Variants in ASPSCR1 observed in about 807,000 individuals in gnomAD.
ASPSCR1 encodes ASPSCR1 tether for SLC2A4, UBX domain containing.
A neutral mutation model predicts 68.9 loss-of-function variants in ASPSCR1; 55 were observed. The observed-to-expected ratio is 0.80, with a 90% CI of 0.64 to 1.00. ASPSCR1 has a LOEUF of 1.00. Among genes scored for constraint, ASPSCR1 ranks in the 50% least tolerant of loss-of-function variants. The probability of loss-of-function intolerance (pLI) is 0.00; values close to 1 mark genes in which losing one functional copy is unlikely to be tolerated. For synonymous variants in ASPSCR1, 352 were observed against 332.6 expected (o/e 1.06, Z -0.63); for missense variants, 765 against 762.2 (o/e 1.00, Z -0.04).
chr17:82,011,450 C>A, intron 10 of ASPSCR1, 93 bp from the exon 11 acceptor site: 1 of 1,230,594 alleles, frequency 8.1e-7, no homozygotes, highest in Non-Finnish European at 1.1e-6. Flanking sequence ...CGGGGAAAGG[C>A]CCAGGAGGGT....
At chr17:82,016,640 G>T in intron 13 of ASPSCR1, 113 bp downstream of exon 13, 1 of 1,469,422 alleles carries the variant, frequency 6.8e-7, no homozygotes. Flanking sequence ...GTCTGAGAGG[G>T]AGATCTGCGG....
At position 82,012,264 on chromosome 17, in the gene ASPSCR1, A is replaced by G; in HGVS notation, c.1334A>G (p.His445Arg). ...ITPPKTVLDD[H>R]TQTLFQANLF... ...CCTCCAAAAACAGTCCTGGACGACC[A>G]CACGCAGACCCTCTTTCAGGTACCT... Residue 445 changes from histidine (H) to arginine (R), a missense_variant, in exon 12 of 16, where the codon CAC (histidine) becomes CGC (arginine). By Grantham distance (29) the His-to-Arg change is conservative (BLOSUM62 0). Transcript: ENST00000306739. The G allele has an allele frequency of 6.2e-7, 1 of 1,613,458 alleles. No homozygotes were observed. The highest frequency in any genetic ancestry group is 8.5e-7 in the Non-Finnish European group (1 of 1,179,894).
intron 7 of ASPSCR1, among the ~76,000 whole-genome samples, chr17:82,002,179 C>T (rs1192617008): frequency 6.6e-6 from 1 of 150,782 alleles, no homozygotes; most frequent in Non-Finnish European, 1.5e-5. Flanking sequence ...AAGTATTTTT[C>T]TTTTTAAAAT....
chr17:81,980,807 G>C (rs193066150), intron 2 of ASPSCR1, among the ~76,000 whole-genome samples: 1 of 152,244 alleles, frequency 6.6e-6, no homozygotes, highest in Admixed American at 6.5e-5. Flanking sequence ...CTCTTCACGG[G>C]TCCTATGTGC....
Position 81,977,860 on chromosome 17 carries a change from T to C in ASPSCR1, c.102+112T>C. ...TCGGGGGCGGGGCCTCGGCGGCCAA[T>C]GAGCGGCCTCCTGAGCGGCGGCCCC... On this transcript the variant is annotated intron_variant, in intron 1 of 15. Coordinates refer to ENST00000306739, the MANE Select transcript of ASPSCR1 (RefSeq NM_024083.4). This position sits in a 1 kb window ranked among gnomAD's most constrained non-coding sequence, Gnocchi z 5.0. 1.3e-6 allele frequency: 1 copy of C among 767,036 alleles called. No individual in the cohort carries two copies. The highest frequency in any genetic ancestry group is 1.7e-6 in the Non-Finnish European group (1 of 579,916). 47.5% of individuals were successfully genotyped at this position (767,036 alleles called of 1,614,324 possible).
At chr17:81,985,936 C>A (rs2041980499) in intron 4 of ASPSCR1, among the ~76,000 whole-genome samples, 1 of 152,036 alleles carries the variant, frequency 6.6e-6, no homozygotes, top group Admixed American at 6.6e-5. Context: ...GGCAGGGCTC[C>A]CCATGCTTGA....
intron 12 of ASPSCR1, chr17:82,015,260 C>A: frequency 1.9e-6 from 3 of 1,598,288 alleles, no homozygotes; most frequent in Non-Finnish European, 2.5e-6. Flanking sequence ...CTCCATGCCA[C>A]CCAGTCTGCC....
At chr17:82,017,227 G>A in intron 15 of ASPSCR1, 82 bp from the exon 16 acceptor site, 2 of 1,598,390 alleles carry the variant, frequency 1.3e-6, no homozygotes, top group Middle Eastern at 1.9e-4. Context: ...GCAGGGCCGA[G>A]TGCTTCAGCC....
chr17:81,995,689 T>C (rs561689701), intron 5 of ASPSCR1: 73 of 554,664 alleles, frequency 1.3e-4, no homozygotes, highest in African/African-American at 1.3e-3. Flanking sequence ...GCACCAGGGC[T>C]TCCTCCTTGC....
chr17:81,977,936 G>A lies in ASPSCR1; in HGVS notation c.102+188G>A. ...TTCCGCTGGGGTCCCGGGGGTCCCGGGGGTCCCGAGTGGGGGCGGGGCGGT... is the reference window on the plus strand; with the variant it reads ...TTCCGCTGGGGTCCCGGGGGTCCCGAGGGTCCCGAGTGGGGGCGGGGCGGT... On this transcript the variant is annotated intron_variant, in intron 1 of 15. Coordinates refer to ENST00000306739, the MANE Select transcript of ASPSCR1 (RefSeq NM_024083.4). The surrounding 1 kb of genome is among the most constrained non-coding windows in gnomAD (Gnocchi z 5.0). 2.9e-6 allele frequency: 1 copy of A among 349,718 alleles called. No homozygotes were observed. The highest frequency in any genetic ancestry group is 4.9e-6 in the Non-Finnish European group (1 of 204,578). 21.7% of individuals were successfully genotyped at this position (349,718 alleles called of 1,614,324 possible).
At position 81,979,224 on chromosome 17, in the gene ASPSCR1, G is replaced by A. The variant is rs1358010626; in HGVS notation, c.143G>A (p.Cys48Tyr). The stretch of plus-strand genomic sequence containing the variant: ...TGCCGGCGGCAGGACTTCAACCCCT[G>A]TGAATATGATCTGAAGTGAGTTTGC... ...DTCRRQDFNP[C>Y]EYDLKFQRSV... is the part of the protein sequence containing the mutation. Residue 48 changes from cysteine (C) to tyrosine (Y), a missense_variant, in exon 2 of 16, where the codon TGT becomes TAT. Coordinates refer to ENST00000306739, the MANE Select transcript of ASPSCR1 (RefSeq NM_024083.4). 6.2e-7 allele frequency: 1 copy of A among 1,614,014 alleles called. No homozygotes were observed. Among genetic ancestry groups the A allele is most frequent in the Admixed American group, 1.7e-5 (1 of 60,000 alleles).
At chr17:81,985,129 CA>C (rs1411881433) in intron 3 of ASPSCR1, among the ~76,000 whole-genome samples, 3 of 150,938 alleles carry the variant, frequency 2.0e-5, no homozygotes, top group Non-Finnish European at 4.4e-5. Flanking sequence ...TGTAAACATG[CA>C]CACACACGCA....
In ASPSCR1 at chr17:81,999,602, G is replaced by T. The variant is rs138231466; in HGVS notation, c.933+2756G>T. Among the ~76,000 whole-genome samples, 9 of 151,522 alleles carry T rather than the reference G, an allele frequency of 5.9e-5. No individual in the cohort carries two copies. Among genetic ancestry groups the T allele is most frequent in the Non-Finnish European group, 8.8e-5 (6 of 67,822 alleles). On this transcript the variant is annotated intron_variant, in intron 7 of 15. Coordinates refer to ENST00000306739, the MANE Select transcript of ASPSCR1 (RefSeq NM_024083.4). This position sits in a 1 kb window ranked among gnomAD's most constrained non-coding sequence, Gnocchi z 4.4. ...AGATCGTGCCACTGCACTCCAGCCC[G>T]GGTGACAGAGTGAAACTCCATCTCA...
chr17:82,000,515 TG>T (rs1207109332), intron 7 of ASPSCR1, among the ~76,000 whole-genome samples: 5 of 151,768 alleles, frequency 3.3e-5, no homozygotes, highest in African/African-American at 1.2e-4. Flanking sequence ...CTTTCAGTGA[TG>T]GGGGGAGGGG....
intron 10 of ASPSCR1, 98 bp from the exon 11 acceptor site, chr17:82,011,445 A>G: frequency 8.6e-7 from 1 of 1,167,452 alleles, no homozygotes; most frequent in Non-Finnish European, 1.2e-6. Flanking sequence ...CCCCTCGGGG[A>G]AAGGCCCAGG....
intron 12 of ASPSCR1, chr17:82,014,832 T>G: frequency 7.0e-6 from 4 of 569,478 alleles, no homozygotes; most frequent in African/African-American, 1.9e-5. Context: ...GGCGGCTGGA[T>G]TTGGGGCCCC....
intron 7 of ASPSCR1, among the ~76,000 whole-genome samples, chr17:81,998,074 G>T (rs1241061416): frequency 6.8e-6 from 1 of 147,110 alleles, no homozygotes; most frequent in Admixed American, 6.8e-5. Context: ...TGATCCGCCC[G>T]CCTCAGCCTC....
rs766231368 is a variant in ASPSCR1, at chr17:81,983,506, C to T, written c.159-48C>T. The T allele has an allele frequency of 4.5e-5, 66 of 1,465,822 alleles. No individual in the cohort carries two copies. The highest frequency in any genetic ancestry group is 4.2e-4 in the African/African-American group (30 of 72,252). 90.8% of individuals were successfully genotyped at this position (1,465,822 alleles called of 1,614,324 possible). The stretch of plus-strand genomic sequence containing the variant: ...GGATGGCGGGGCGTGGATGGCAGGG[C>T]GTGTCAGGCTCTGCAGGGCAGCAAG... On this transcript the variant is annotated intron_variant, in intron 2 of 15. Transcript: ENST00000306739. The surrounding 1 kb of genome is among the most constrained non-coding windows in gnomAD (Gnocchi z 4.4).
rs143841140 is a variant in ASPSCR1 at position 81,990,722 on chromosome 17, G to A, written c.375-4099G>A. ...TGGCCTACGGGCCCTGGGGGTACAC[G>A]GCCCTCCTGGAGGCACCCGGAGGAG... On this transcript the variant is annotated intron_variant, in intron 4 of 15. Coordinates refer to ENST00000306739, the MANE Select transcript of ASPSCR1 (RefSeq NM_024083.4). This position sits in a 1 kb window ranked among gnomAD's most constrained non-coding sequence, Gnocchi z 4.1. Among the ~76,000 whole-genome samples, 8 of 152,278 alleles carry A rather than the reference G, an allele frequency of 5.3e-5. No individual in the cohort carries two copies. The highest frequency in any genetic ancestry group is 1.3e-4 in the Admixed American group (2 of 15,304).
Sources: gnomAD v4.1 joint callset for allele counts (sites outside exome capture counted in the v4.1 genomes callset) on GRCh38, gnomAD v4.1.1 for gene constraint, Gnocchi (gnomAD v3.1) non-coding constraint, MANE v1.5 for transcripts, NCBI Gene and HGNC (gene_info 2026-07-23, HGNC 2026-07-21) for gene names.